Variants in TFAP2E observed in about 807,000 individuals in gnomAD.
The protein encoded by TFAP2E is transcription factor AP-2-epsilon.
In TFAP2E, 30 loss-of-function variants were observed where a neutral mutation model predicts 37.9. The ratio of observed to expected loss-of-function variants is 0.79; its 90% confidence interval spans 0.59 to 1.07. The LOEUF (loss-of-function observed/expected upper bound fraction) is 1.07, where lower values mean the gene tolerates loss of function less well. Among genes scored for constraint, TFAP2E ranks in the 50% least tolerant of loss-of-function variants. TFAP2E has a pLI of 0.00. For missense variants in TFAP2E, 567 were observed against 637.9 expected (o/e 0.89, Z 1.20); for synonymous variants, 318 against 295.8 (o/e 1.08, Z -0.77).
At chr1:35,583,254 C>G (rs554624634) in intron 3 of TFAP2E, among the ~76,000 whole-genome samples, 56 of 152,070 alleles carry the variant, frequency 3.7e-4, no homozygotes, top group South Asian at 1.0e-3. Context: ...GAACTCTTTG[C>G]TCAACCTGAG....
In TFAP2E at chr1:35,590,654, C is replaced by G; in HGVS notation, c.925C>G (p.Arg309Gly). Reference protein sequence around the residue: ...LVEGEAVHLARDFGYVCETEF... With the variant: ...LVEGEAVHLAGDFGYVCETEF... ...CCCAGGAGAGGCCGTGCACCTGGCC[C>G]GAGACTTCGGTTACGTCTGTGAGAC... Residue 309 changes from arginine to glycine, a missense_variant, in exon 6 of 7, where the codon CGA (arginine) becomes GGA (glycine). Around this residue, in one of 3 missense-constraint regions of TFAP2E, gnomAD observed 252 missense variants for 302.6 expected, o/e 0.83. Coordinates refer to ENST00000373235, the MANE Select transcript of TFAP2E (RefSeq NM_178548.4). The surrounding 1 kb of genome is among the most constrained non-coding windows in gnomAD (Gnocchi z 6.2). 1 of 1,525,770 alleles carries G rather than the reference C, an allele frequency of 6.6e-7. No individual in the cohort carries two copies. The highest frequency in any genetic ancestry group is 8.9e-7 in the Non-Finnish European group (1 of 1,125,116). 94.5% of individuals were successfully genotyped at this position (1,525,770 alleles called of 1,614,324 possible). A position where few individuals can be genotyped will look rare whatever the true frequency, so the allele number is the denominator to read the frequency against.
chr1:35,592,249 T>C (rs1254799288), intron 6 of TFAP2E, among the ~76,000 whole-genome samples: 1 of 151,136 alleles, frequency 6.6e-6, no homozygotes, highest in Non-Finnish European at 1.5e-5. Flanking sequence ...TGCATCGCTG[T>C]ACTCTAGCCT....
At position 35,580,352 on chromosome 1, in the gene TFAP2E, A is replaced by G. The variant is rs1649314577; in HGVS notation, c.562+5352A>G. 2.0e-5 allele frequency among the ~76,000 whole-genome samples: 3 copies of G among 151,662 alleles called. No homozygotes were observed. In the South Asian group the frequency reaches 6.3e-4, roughly 32 times the overall value. On this transcript the variant is annotated intron_variant, in intron 3 of 6. Transcript: ENST00000373235. ...AGTGTGGGCCAGGGAGCAGGTCACT[A>G]CTCCTCCCGTCTACCTTCCTCTTGC...
In TFAP2E at chr1:35,577,374, G is replaced by A. The variant is rs540424927; in HGVS notation, c.562+2374G>A. 2.2e-6 allele frequency: 1 copy of A among 456,710 alleles called. No homozygotes were observed. The highest frequency in any genetic ancestry group is 2.0e-5 in the African/African-American group (1 of 50,104). 28.3% of individuals were successfully genotyped at this position (456,710 alleles called of 1,614,324 possible). Reference sequence around the variant, plus strand: ...TCGGCGTTGCCGCCAGCCCAGTGGGGAGTGAATTAGCGCCCTCCTTCGTCC... The same window carrying A: ...TCGGCGTTGCCGCCAGCCCAGTGGGAAGTGAATTAGCGCCCTCCTTCGTCC... On this transcript the variant is annotated intron_variant, in intron 3 of 6. Transcript: ENST00000373235. This position sits in a 1 kb window ranked among gnomAD's most constrained non-coding sequence, Gnocchi z 6.3.
At chr1:35,580,556 C>T (rs991207459) in intron 3 of TFAP2E, among the ~76,000 whole-genome samples, 2 of 151,988 alleles carry the variant, frequency 1.3e-5, no homozygotes, top group Non-Finnish European at 2.9e-5. Flanking sequence ...GTCAGGAGAT[C>T]GAGACCATCC....
chr1:35,590,655 G>A lies in TFAP2E; in HGVS notation c.926G>A (p.Arg309Gln), dbSNP rs114404250. 1,626 of 1,528,040 alleles carry A rather than the reference G, an allele frequency of 1.1e-3. 11 individuals are homozygous for A. The highest frequency in any genetic ancestry group is 8.8e-3 in the East Asian group (374 of 42,360). 94.7% of individuals were successfully genotyped at this position (1,528,040 alleles called of 1,614,324 possible). The change falls in exon 6 of 7, where the codon CGA (arginine) becomes CAA (glutamine). Residue 309 changes from arginine to glutamine, a missense_variant. Transcript: ENST00000373235. The surrounding 1 kb of genome is among the most constrained non-coding windows in gnomAD (Gnocchi z 6.2). ...LVEGEAVHLA[R>Q]DFGYVCETEF... The stretch of plus-strand genomic sequence containing the variant: ...CCAGGAGAGGCCGTGCACCTGGCCC[G>A]AGACTTCGGTTACGTCTGTGAGACG...
intron 3 of TFAP2E, among the ~76,000 whole-genome samples, chr1:35,575,399 G>C (rs1036048541): frequency 6.6e-6 from 1 of 152,232 alleles, no homozygotes; most frequent in Non-Finnish European, 1.5e-5. Flanking sequence ...TTAGCATTTC[G>C]GTGCCTGGCG....
Position 35,590,528 on chromosome 1 carries a change from C to T in TFAP2E, c.905-106C>T. 1 of 1,329,248 alleles carries T rather than the reference C, an allele frequency of 7.5e-7. No homozygotes were observed. The highest frequency in any genetic ancestry group is 9.9e-7 in the Non-Finnish European group (1 of 1,013,004). 82.3% of individuals were successfully genotyped at this position (1,329,248 alleles called of 1,614,324 possible). ...AGGAACATCAGAGGGGGCATCTACA[C>T]AGGCAGGATGGGGCAGGATACCCCT... On this transcript the variant is annotated intron_variant, in intron 5 of 6. Coordinates refer to ENST00000373235, the MANE Select transcript of TFAP2E (RefSeq NM_178548.4). The surrounding 1 kb of genome is among the most constrained non-coding windows in gnomAD (Gnocchi z 6.2).
intron 6 of TFAP2E, among the ~76,000 whole-genome samples, chr1:35,591,885 A>G (rs1649698161): frequency 6.6e-6 from 1 of 152,022 alleles, no homozygotes; most frequent in South Asian, 2.1e-4. Flanking sequence ...ATGGGGTTTC[A>G]CCATGTTGGC....
intron 4 of TFAP2E, among the ~76,000 whole-genome samples, chr1:35,589,480 CTCTAT>C (rs1035618963): frequency 2.8e-5 from 4 of 144,006 alleles, no homozygotes; most frequent in Admixed American, 2.8e-4. Flanking sequence ...TTCTATGTGT[CTCTAT>C]TCTTTCACGT....
rs1444831023 is a variant in TFAP2E at position 35,588,278 on chromosome 1, A to T, written c.563-52A>T. 2 of 1,534,502 alleles carry T rather than the reference A, an allele frequency of 1.3e-6. No homozygotes were observed. Among genetic ancestry groups the T allele is most frequent in the Admixed American group, 3.6e-5 (2 of 55,546 alleles). On this transcript the variant is annotated intron_variant, in intron 3 of 6. Transcript: ENST00000373235. This position sits in a 1 kb window ranked among gnomAD's most constrained non-coding sequence, Gnocchi z 5.1. Reference sequence around the variant, plus strand: ...AGCAAGGATACCAGACCCTCCCTTGAGTGGGGCTGTGTGCGGCAGCCACTG... The same window carrying T: ...AGCAAGGATACCAGACCCTCCCTTGTGTGGGGCTGTGTGCGGCAGCCACTG...
At position 35,588,426 on chromosome 1, in the gene TFAP2E, C is replaced by T. The variant is rs1363897563; in HGVS notation, c.659C>T (p.Ser220Phe). Reference protein sequence around the residue: ...GITNPGEVFCSVPGRLSLLSS... With the variant: ...GITNPGEVFCFVPGRLSLLSS... ...ACAAATCCTGGTGAGGTCTTCTGCTCCGTGCCCGGCCGGCTTTCACTGCTC... is the reference window on the plus strand; with the variant it reads ...ACAAATCCTGGTGAGGTCTTCTGCTTCGTGCCCGGCCGGCTTTCACTGCTC... The change falls in exon 4 of 7, where the codon TCC becomes TTC. Residue 220 changes from serine (S) to phenylalanine (F), a missense_variant. This residue lies in a region of TFAP2E where 252 missense variants were observed against 302.6 expected (regional missense o/e 0.83). Transcript: ENST00000373235. The surrounding 1 kb of genome is among the most constrained non-coding windows in gnomAD (Gnocchi z 5.1). 4 of 1,612,098 alleles carry T rather than the reference C, an allele frequency of 2.5e-6. No homozygotes were observed. Among genetic ancestry groups the T allele is most frequent in the Non-Finnish European group, 2.5e-6 (3 of 1,179,986 alleles).
chr1:35,574,551 C>A, intron 2 of TFAP2E, 142 bp downstream of exon 2: 2 of 1,325,800 alleles, frequency 1.5e-6, no homozygotes, highest in Non-Finnish European at 2.0e-6. Flanking sequence ...GGATGTGTCC[C>A]ACCTCCTGGG....
At chr1:35,587,566 A>T (rs1649516162) in intron 3 of TFAP2E, among the ~76,000 whole-genome samples, 1 of 140,534 alleles carries the variant, frequency 7.1e-6, no homozygotes, top group Non-Finnish European at 1.5e-5. Context: ...TGAACCCGGG[A>T]GGCAGAGGTT....
chr1:35,574,942 T>C lies in TFAP2E; in HGVS notation c.511-7T>C, dbSNP rs373713838. 1 of 1,613,780 alleles carries C rather than the reference T, an allele frequency of 6.2e-7. No individual in the cohort carries two copies. The highest frequency in any genetic ancestry group is 1.3e-5 in the African/African-American group (1 of 74,950). ...GCGCCCTCACCGCTGCCCTCTGCTA[T>C]TTGCAGGCAATGGACGAGCCGGGAA... On this transcript the variant is annotated splice_polypyrimidine_tract_variant and splice_region_variant and intron_variant, in intron 2 of 6. Coordinates refer to ENST00000373235, the MANE Select transcript of TFAP2E (RefSeq NM_178548.4).
intron 3 of TFAP2E, among the ~76,000 whole-genome samples, chr1:35,585,647 A>G (rs986887108): frequency 1.3e-5 from 2 of 152,260 alleles, no homozygotes; most frequent in Non-Finnish European, 2.9e-5. Context: ...ACATGTTGAA[A>G]TGATTCTATT....
rs1182657526 is a variant in TFAP2E, at chr1:35,588,019, C to T, written c.563-311C>T. 6.6e-6 allele frequency among the ~76,000 whole-genome samples: 1 copy of T among 152,094 alleles called. No individual in the cohort carries two copies. The highest frequency in any genetic ancestry group is 2.4e-5 in the African/African-American group (1 of 41,426). On this transcript the variant is annotated intron_variant, in intron 3 of 6. Transcript: ENST00000373235. This position sits in a 1 kb window ranked among gnomAD's most constrained non-coding sequence, Gnocchi z 5.1. The stretch of plus-strand genomic sequence containing the variant: ...CTGCAGGGCCCCAGGGGTCCTGCCT[C>T]CAGCTCACACTCATATCCTTACATC...
Position 35,573,780 on chromosome 1 carries a change from C to T in TFAP2E, c.28-147C>T, listed in dbSNP as rs1293896277. 1 of 1,368,290 alleles carries T rather than the reference C, an allele frequency of 7.3e-7. No individual in the cohort carries two copies. Among genetic ancestry groups the T allele is most frequent in the South Asian group, 1.6e-5 (1 of 62,936 alleles). 84.8% of individuals were successfully genotyped at this position (1,368,290 alleles called of 1,614,324 possible). On this transcript the variant is annotated intron_variant, in intron 1 of 6. Coordinates refer to ENST00000373235, the MANE Select transcript of TFAP2E (RefSeq NM_178548.4). The surrounding 1 kb of genome is among the most constrained non-coding windows in gnomAD (Gnocchi z 5.9). The stretch of plus-strand genomic sequence containing the variant: ...CGCTGTCCCCAGCCTGAGGCTCCTG[C>T]GCCCGCGGGTGGCTCGGAAATAAAC...
intron 3 of TFAP2E, among the ~76,000 whole-genome samples, chr1:35,584,221 C>G (rs995569442): frequency 6.6e-6 from 1 of 152,206 alleles, no homozygotes; most frequent in African/African-American, 2.4e-5. Context: ...CCTCAGCCTT[C>G]CGAGCAGCTG....
Sources: allele counts gnomAD v4.1 joint callset (sites outside exome capture counted in the v4.1 genomes callset), GRCh38; gene constraint gnomAD v4.1.1; regional missense constraint gnomAD v4.1.1; non-coding constraint Gnocchi (gnomAD v3.1); transcripts MANE v1.5; gene names NCBI Gene and HGNC (gene_info 2026-07-23, HGNC 2026-07-21).